Variants in KCNIP4 observed in about 807,000 individuals in gnomAD.
KCNIP4 encodes Kv channel-interacting protein 4.
Under a neutral mutation model 34.0 loss-of-function variants are expected in KCNIP4, and 12 were observed. The ratio of observed to expected loss-of-function variants is 0.35; its 90% CI spans 0.23 to 0.57. The LOEUF (loss-of-function observed/expected upper bound fraction) is 0.57, where lower values mean the gene tolerates loss of function less well. Among genes scored for constraint, KCNIP4 ranks in the 20% least tolerant of loss-of-function variants. The pLI, the probability that KCNIP4 is intolerant of heterozygous loss-of-function variation, is 0.83. For missense variants in KCNIP4, 238 were observed against 311.7 expected (o/e 0.76, Z 1.78); for synonymous variants, 124 against 102.2 (o/e 1.21, Z -1.29).
intron 1 of KCNIP4, among the ~76,000 whole-genome samples, chr4:21,219,825 T>A (rs1757858779): frequency 6.6e-6 from 1 of 151,070 alleles, no homozygotes; most frequent in Non-Finnish European, 1.5e-5. Flanking sequence ...ATTGATTCCT[T>A]TTAAGAAAAA....
At chr4:20,895,484 G>T (rs1300637221) in intron 1 of KCNIP4, among the ~76,000 whole-genome samples, 5 of 152,258 alleles carry the variant, frequency 3.3e-5, no homozygotes, top group East Asian at 1.9e-4. Context: ...TGAAGTAATT[G>T]TTTCTGCAAA....
At chr4:21,768,918 A>C (rs951342618) in intron 1 of KCNIP4, among the ~76,000 whole-genome samples, 1 of 151,950 alleles carries the variant, frequency 6.6e-6, no homozygotes, top group African/African-American at 2.4e-5. Flanking sequence ...ATGTCAATTT[A>C]TTTTCAAACA....
At chr4:20,923,474 C>G (rs184566530) in intron 1 of KCNIP4, among the ~76,000 whole-genome samples, 12 of 152,072 alleles carry the variant, frequency 7.9e-5, no homozygotes, top group African/African-American at 2.9e-4. Context: ...CTTCATTGTA[C>G]TCACCTATAT....
intron 1 of KCNIP4, among the ~76,000 whole-genome samples, chr4:21,310,509 A>G (rs1301337803): frequency 6.6e-6 from 1 of 152,192 alleles, no homozygotes; most frequent in Non-Finnish European, 1.5e-5. Context: ...TACTTGATCC[A>G]AGAGAAGCCT....
intron 1 of KCNIP4, among the ~76,000 whole-genome samples, chr4:21,833,301 T>C (rs1310654281): frequency 6.6e-6 from 1 of 152,136 alleles, no homozygotes; most frequent in Non-Finnish European, 1.5e-5. Flanking sequence ...TGTGAGATGG[T>C]ATCTCATTGT....
chr4:20,794,725 C>G (rs16869980), intron 3 of KCNIP4, among the ~76,000 whole-genome samples: 3,192 of 152,184 alleles, frequency 0.021, 101 homozygotes, highest in Admixed American at 0.094. Context: ...CGATATTTGC[C>G]TAACAAAAAA....
intron 1 of KCNIP4, among the ~76,000 whole-genome samples, chr4:21,926,259 A>T (rs1729238726): frequency 6.6e-6 from 1 of 152,182 alleles, no homozygotes; most frequent in Non-Finnish European, 1.5e-5. Context: ...ACAGGCGGAG[A>T]CAAGTCACAA....
intron 1 of KCNIP4, among the ~76,000 whole-genome samples, chr4:21,139,260 C>T (rs542448088): frequency 1.3e-5 from 2 of 151,964 alleles, no homozygotes; most frequent in Non-Finnish European, 2.9e-5. Flanking sequence ...GCTTTGTCCT[C>T]GGAAGACAAG....
chr4:21,438,822 TC>T (rs1232365529), intron 1 of KCNIP4, among the ~76,000 whole-genome samples: 3 of 152,260 alleles, frequency 2.0e-5, no homozygotes, highest in African/African-American at 7.2e-5. Context: ...CAGGAGAATT[TC>T]AGGGGTACAG....
At chr4:21,321,916 G>A (rs571444549) in intron 1 of KCNIP4, among the ~76,000 whole-genome samples, 29 of 140,126 alleles carry the variant, frequency 2.1e-4, no homozygotes, top group African/African-American at 7.5e-4. Flanking sequence ...AGGGAAGGAA[G>A]GAAGGAAAAA....
chr4:21,621,173 C>A (rs1376460903), intron 1 of KCNIP4, among the ~76,000 whole-genome samples: 1 of 152,046 alleles, frequency 6.6e-6, no homozygotes, highest in East Asian at 1.9e-4. Context: ...ACCAAAACTA[C>A]TCAAATTTAA....
intron 1 of KCNIP4, among the ~76,000 whole-genome samples, chr4:20,908,711 A>G (rs907915870): frequency 6.6e-5 from 10 of 152,192 alleles, no homozygotes; most frequent in African/African-American, 2.2e-4. Flanking sequence ...AGAGTTGACC[A>G]TAGTTGTAAT....
chr4:21,639,216 T>A (rs1012728261), intron 1 of KCNIP4, among the ~76,000 whole-genome samples: 5 of 152,166 alleles, frequency 3.3e-5, no homozygotes, highest in Non-Finnish European at 7.4e-5. Context: ...ATGCTGCCAA[T>A]CAAATGAAGG....
Position 20,730,085 on chromosome 4 carries a change from A to G in KCNIP4, c.750T>C (p.Ile250=). 4.4e-6 allele frequency: 7 copies of G among 1,608,720 alleles called. No homozygotes were observed. Among genetic ancestry groups the G allele is most frequent in the Non-Finnish European group, 5.1e-6 (6 of 1,178,274 alleles). ...GATTCAGGATCTATTTGACAAGTTA[A>G]ATCACATTTTCAAAGAGCTGCATGG... is the stretch of plus-strand genomic sequence containing the variant. ...MRSMQLFENV[I] is the part of the protein sequence containing the mutation. The change falls in exon 9 of 9, where the codon ATT becomes ATC. Residue 250 remains isoleucine (I), a synonymous_variant. Coordinates refer to ENST00000382152, the MANE Select transcript of KCNIP4 (RefSeq NM_025221.6).
chr4:21,282,049 A>G (rs1242002091), intron 1 of KCNIP4, among the ~76,000 whole-genome samples: 1 of 152,210 alleles, frequency 6.6e-6, no homozygotes, highest in African/African-American at 2.4e-5. Flanking sequence ...TGTGATCACT[A>G]AAAAGACATA....
intron 1 of KCNIP4, among the ~76,000 whole-genome samples, chr4:21,508,852 A>T (rs148098598): frequency 6.6e-6 from 1 of 151,960 alleles, no homozygotes; most frequent in African/African-American, 2.4e-5. Flanking sequence ...CTTCCTTCAA[A>T]CTTGGTATAT....
At chr4:20,998,507 T>C (rs1737774775) in intron 1 of KCNIP4, among the ~76,000 whole-genome samples, 1 of 152,180 alleles carries the variant, frequency 6.6e-6, no homozygotes, top group African/African-American at 2.4e-5. Context: ...AGGGAAAACT[T>C]CCATAAGGCA....
At chr4:21,460,396 C>T (rs1484324872) in intron 1 of KCNIP4, among the ~76,000 whole-genome samples, 1 of 152,160 alleles carries the variant, frequency 6.6e-6, no homozygotes, top group South Asian at 2.1e-4. Context: ...CTTACCACTG[C>T]CTACTTGACT....
intron 1 of KCNIP4, among the ~76,000 whole-genome samples, chr4:20,903,866 G>A (rs1727429959): frequency 6.6e-6 from 1 of 152,138 alleles, no homozygotes; most frequent in African/African-American, 2.4e-5. Context: ...TGCCTGAGCT[G>A]GTTACTTGAG....
Sources: gnomAD v4.1 joint callset for allele counts (sites outside exome capture counted in the v4.1 genomes callset) on GRCh38, gnomAD v4.1.1 for gene constraint, MANE v1.5 for transcripts, NCBI Gene and HGNC (gene_info 2026-07-23, HGNC 2026-07-21) for gene names.